MRO: variants seen among roughly 807,000 people sequenced by gnomAD.
MRO encodes maestro.
Under a neutral mutation model 31.0 loss-of-function variants are expected in MRO, and 28 were observed. That is an observed-to-expected ratio of 0.90 (90% confidence interval 0.67 to 1.24). The LOEUF (loss-of-function observed/expected upper bound fraction) is 1.24, where lower values mean the gene tolerates loss of function less well. Among genes scored for constraint, MRO ranks in the 50% most tolerant of loss-of-function variants. The probability of loss-of-function intolerance (pLI) is 0.00; values close to 1 mark genes in which losing one functional copy is unlikely to be tolerated. For missense variants in MRO, 332 were observed against 289.2 expected, an observed-to-expected ratio of 1.15 and a Z score of -1.07; for synonymous variants, 108 against 108.4, an observed-to-expected ratio of 1.00 and a Z score of 0.02.
chr18:50,809,128 G>C (rs1267821746), intron 3 of MRO, among the ~76,000 whole-genome samples, 174 bp downstream of exon 3: 1 of 123,698 alleles, frequency 8.1e-6, no homozygotes, highest in East Asian at 2.4e-4. Context: ...CTGGGCGACA[G>C]AGCGAGACTC....
chr18:50,806,576 T>C (rs1913955937), intron 4 of MRO, 128 bp downstream of exon 4: 1 of 1,129,744 alleles, frequency 8.9e-7, no homozygotes, highest in Non-Finnish European at 1.3e-6. Flanking sequence ...CTGCTAAGTG[T>C]GCGGTGGTTT....
chr18:50,812,305 C>T (rs1190121245), intron 2 of MRO, among the ~76,000 whole-genome samples: 3 of 152,116 alleles, frequency 2.0e-5, no homozygotes, highest in Admixed American at 6.6e-5. Context: ...TTGGTGATTT[C>T]TATGTCTTCT....
Position 50,806,799 on chromosome 18 carries a change from A to G in MRO, c.151T>C (p.Phe51Leu), listed in dbSNP as rs1913988020. 6.2e-7 allele frequency: 1 copy of G among 1,614,130 alleles called. No individual in the cohort carries two copies. The highest frequency in any genetic ancestry group is 2.2e-5 in the East Asian group (1 of 44,872). Reference sequence around the variant, plus strand: ...TCCCGAGCTCTTTCTGCCAAGATGAAAAACACATTCTTCAGAGGCTCCCGC... The same window carrying G: ...TCCCGAGCTCTTTCTGCCAAGATGAGAAACACATTCTTCAGAGGCTCCCGC... ...QKREPLKNVF[F>L]ILAERARDPS... The change falls in exon 4 of 8, where the codon TTC (phenylalanine) becomes CTC (leucine). Residue 51 changes from phenylalanine to leucine, a missense_variant. Phe to Leu is a conservative substitution (Grantham distance 22). Transcript: ENST00000398439.
chr18:50,809,267 G>A, intron 3 of MRO, 35 bp downstream of exon 3: 4 of 1,529,158 alleles, frequency 2.6e-6, no homozygotes, highest in Non-Finnish European at 2.7e-6. Flanking sequence ...CAGCTGCTGG[G>A]AGGAGAAATT....
intron 2 of MRO, among the ~76,000 whole-genome samples, chr18:50,811,137 C>A (rs765310678): frequency 8.5e-5 from 13 of 152,168 alleles, no homozygotes; most frequent in Non-Finnish European, 1.6e-4. Context: ...GCTACAGAGG[C>A]TAGCTAAAGG....
chr18:50,803,676 A>C (rs1599013327), intron 5 of MRO, among the ~76,000 whole-genome samples: 1 of 152,230 alleles, frequency 6.6e-6, no homozygotes, highest in East Asian at 1.9e-4. Context: ...ATTCAAGAGC[A>C]AAAATCCCTC....
intron 5 of MRO, among the ~76,000 whole-genome samples, chr18:50,802,916 A>AGTGTGTGTGTGTGTGTGT (rs71735972): frequency 1.4e-5 from 2 of 144,606 alleles, no homozygotes; most frequent in South Asian, 2.2e-4. Flanking sequence ...GTGTGTGTGT[A>AGTGTGTGTGTGTGTGTGT]GTGTGTGTGT....
intron 7 of MRO, 100 bp downstream of exon 7, chr18:50,799,936 T>A: frequency 1.2e-6 from 1 of 819,290 alleles, no homozygotes; most frequent in South Asian, 1.7e-5. Context: ...CCTGAGTCAT[T>A]TTAAGGGGGT....
intron 5 of MRO, among the ~76,000 whole-genome samples, chr18:50,804,670 C>T (rs1913730978): frequency 6.6e-6 from 1 of 152,088 alleles, no homozygotes; most frequent in African/African-American, 2.4e-5. Context: ...AAATTCTATA[C>T]ATCTTTACAT....
rs151013040 is a variant in MRO, at chr18:50,805,919, G to A, written c.247-583C>T. 6.6e-5 allele frequency among the ~76,000 whole-genome samples: 10 copies of A among 151,764 alleles called. No individual in the cohort carries two copies. The East Asian group carries it at 1.9e-3, about 29-fold the overall frequency. ...TGAGTGCAGAAGGAACCTGTGACTC[G>A]CTTCCAGCCTACGGACATGACTTTA... On this transcript the variant is annotated intron_variant, in intron 4 of 7. Transcript: ENST00000398439.
rs1054418069 is a variant in MRO, at chr18:50,807,023, A to C, written c.100-173T>G. Reference sequence around the variant, plus strand: ...GGAAATGTACTCATTTGGTCTACATAACGAAGAAATTGATGGAGAAAGAGG... The same window carrying C: ...GGAAATGTACTCATTTGGTCTACATCACGAAGAAATTGATGGAGAAAGAGG... On this transcript the variant is annotated intron_variant, in intron 3 of 7. Coordinates refer to ENST00000398439, the MANE Select transcript of MRO (RefSeq NM_031939.6). Among the ~76,000 whole-genome samples the C allele has an allele frequency of 2.0e-5, 3 of 152,132 alleles. No homozygotes were observed. The East Asian group carries it at 5.8e-4, about 29-fold the overall frequency.
intron 2 of MRO, among the ~76,000 whole-genome samples, chr18:50,811,574 T>C (rs1914476839): frequency 6.6e-6 from 1 of 152,168 alleles, no homozygotes; most frequent in South Asian, 2.1e-4. Context: ...AATTGTATGG[T>C]TATACCACAA....
chr18:50,810,984 G>A (rs1465662452), intron 2 of MRO, among the ~76,000 whole-genome samples: 2 of 152,220 alleles, frequency 1.3e-5, no homozygotes, highest in African/African-American at 2.4e-5. Flanking sequence ...GGAACAGCTG[G>A]TGGAGACTTC....
chr18:50,824,059 A>G (rs150903558), upstream of MRO: 94 of 152,442 alleles, frequency 6.2e-4, no homozygotes, highest in African/African-American at 2.2e-3. Flanking sequence ...CAGAAGAGAT[A>G]TTTACACACA....
chr18:50,805,841 A>G (rs1913865878), intron 4 of MRO, among the ~76,000 whole-genome samples: 1 of 152,186 alleles, frequency 6.6e-6, no homozygotes, highest in African/African-American at 2.4e-5. Flanking sequence ...CTGAGGTGTC[A>G]TGAGCCTAAG....
Position 50,817,248 on chromosome 18 carries a change from G to A in MRO, c.-5+2333C>T, listed in dbSNP as rs188069459. On this transcript the variant is annotated intron_variant, in intron 2 of 7. Coordinates refer to ENST00000398439, the MANE Select transcript of MRO (RefSeq NM_031939.6). ...GTGGTTTAATCTTACAGGTTGTCAGGGATCATCTCAATCTTGGGTGCAGGA... is the reference window on the plus strand; with the variant it reads ...GTGGTTTAATCTTACAGGTTGTCAGAGATCATCTCAATCTTGGGTGCAGGA... Among the ~76,000 whole-genome samples, 299 of 152,236 alleles carry A rather than the reference G, an allele frequency of 2.0e-3. 1 individual carries two copies. The highest frequency in any genetic ancestry group is 3.3e-3 in the Non-Finnish European group (223 of 68,026).
At position 50,801,443 on chromosome 18, in the gene MRO, C is replaced by T; in HGVS notation, c.491G>A (p.Gly164Glu). Residue 164 changes from glycine (G) to glutamate (E), a missense_variant, in exon 6 of 8, where the codon GGG becomes GAG. Coordinates refer to ENST00000398439, the MANE Select transcript of MRO (RefSeq NM_031939.6). ...GGTGAAAAATTTTTTCCATTTCCTC[C>T]CGGCAAAGGCAGCCAATTGCCCAAA... ...VLFGQLAAFAGRKWKKFFTSQ... is the reference protein window; with the variant it reads ...VLFGQLAAFAERKWKKFFTSQ... 1.2e-6 allele frequency: 2 copies of T among 1,612,948 alleles called. No homozygotes were observed. Among genetic ancestry groups the T allele is most frequent in the Non-Finnish European group, 1.7e-6 (2 of 1,179,306 alleles).
intron 2 of MRO, among the ~76,000 whole-genome samples, chr18:50,810,852 T>A (rs1459406948): frequency 6.6e-6 from 1 of 152,228 alleles, no homozygotes; most frequent in Non-Finnish European, 1.5e-5. Context: ...GTTTGTTTTT[T>A]TAATTATTAT....
intron 2 of MRO, among the ~76,000 whole-genome samples, chr18:50,812,166 A>G (rs1369306028): frequency 6.6e-6 from 1 of 152,062 alleles, no homozygotes; most frequent in Non-Finnish European, 1.5e-5. Flanking sequence ...CCTTACCAAC[A>G]TTTATTTTCC....
Sources: allele counts gnomAD v4.1 joint callset (sites outside exome capture counted in the v4.1 genomes callset), GRCh38; gene constraint gnomAD v4.1.1; transcripts MANE v1.5; gene names NCBI Gene and HGNC (gene_info 2026-07-23, HGNC 2026-07-21).